TMEM9: variants seen among roughly 807,000 people sequenced by gnomAD.
TMEM9 encodes transmembrane protein 9.
In TMEM9, 13 loss-of-function variants were observed where a neutral mutation model predicts 22.8. The observed-to-expected ratio is 0.57, with a 90% CI of 0.37 to 0.91. The LOEUF is 0.91. TMEM9 is among the 40% of genes least tolerant of loss of function. TMEM9 has a pLI of 0.01. For synonymous variants in TMEM9, 88 were observed against 93.0 expected, an observed-to-expected ratio of 0.95 and a Z score of 0.31; for missense variants, 182 against 238.1, an observed-to-expected ratio of 0.76 and a Z score of 1.55.
chr1:201,153,801 G>A lies in TMEM9; in HGVS notation c.66+57C>T, dbSNP rs753835976. The A allele has an allele frequency of 3.6e-5, 58 of 1,609,412 alleles. No individual in the cohort carries two copies. The African/African-American group carries it at 5.9e-4, about 16-fold the overall frequency. On this transcript the variant is annotated intron_variant, in intron 1 of 4. Transcript: ENST00000367330. ...TGGCTACCTCTGAGTCAGCCCTGTAGACAGGGTGGCCGTGCACTGTGGTCG... is the reference window on the plus strand; with the variant it reads ...TGGCTACCTCTGAGTCAGCCCTGTAAACAGGGTGGCCGTGCACTGTGGTCG...
At chr1:201,140,235 C>T (rs975939207) in intron 4 of TMEM9, among the ~76,000 whole-genome samples, 12 of 152,248 alleles carry the variant, frequency 7.9e-5, no homozygotes, top group Non-Finnish European at 1.8e-4. Flanking sequence ...AGGGTGAGCA[C>T]TTTGAAGACC....
intron 1 of TMEM9, among the ~76,000 whole-genome samples, chr1:201,162,965 C>T (rs533172183): frequency 2.6e-5 from 4 of 152,200 alleles, no homozygotes; most frequent in Admixed American, 1.3e-4. Context: ...AAAGATTCAA[C>T]GTCACAGCCA....
intron 1 of TMEM9, among the ~76,000 whole-genome samples, chr1:201,168,299 T>A (rs1666126352): frequency 1.3e-5 from 2 of 152,232 alleles, no homozygotes; most frequent in South Asian, 4.1e-4. Flanking sequence ...GAAATAGGGT[T>A]CTCAGTGTTA....
upstream of TMEM9, chr1:201,154,624 A>T (rs914508012): frequency 6.6e-6 from 1 of 152,086 alleles, no homozygotes. Flanking sequence ...ACCCGACCAA[A>T]CCAGAAAAGG....
In TMEM9 at chr1:201,146,676, G is replaced by A. The variant is rs1572115916; in HGVS notation, c.267+64C>T. On this transcript the variant is annotated intron_variant, in intron 3 of 4. Transcript: ENST00000367330. ...ATAAAGTGAAAAACTGTGGGTGTAG[G>A]CCAGTCTGCGATTGGAGAATGGCGT... 5 of 1,482,538 alleles carry A rather than the reference G, an allele frequency of 3.4e-6. No homozygotes were observed. In the South Asian group the frequency reaches 5.7e-5, roughly 17 times the overall value. 91.8% of individuals were successfully genotyped at this position (1,482,538 alleles called of 1,614,324 possible).
Position 201,154,026 on chromosome 1 carries a change from T to C in TMEM9, c.-103A>G. ...ACACCGCAGCCAGCACGCTAGGCCC[T>C]TAACCATCCGGCCAAGTGGGAATGG... is the stretch of plus-strand genomic sequence containing the variant. On this transcript the variant is annotated 5_prime_UTR_variant, in exon 1 of 5. Transcript: ENST00000367330. The C allele has an allele frequency of 7.2e-7, 1 of 1,383,198 alleles. No individual in the cohort carries two copies. Among genetic ancestry groups the C allele is most frequent in the South Asian group, 1.4e-5 (1 of 69,948 alleles). The allele number at this position is 1,383,198 out of a possible 1,614,324, so 85.7% of individuals were successfully genotyped here.
At chr1:201,142,141 A>G (rs1054269114) in intron 4 of TMEM9, among the ~76,000 whole-genome samples, 6 of 152,196 alleles carry the variant, frequency 3.9e-5, no homozygotes, top group Admixed American at 6.5e-5. Flanking sequence ...CCTAGCTCCA[A>G]TGGGGCGAGG....
intron 1 of TMEM9, among the ~76,000 whole-genome samples, chr1:201,166,397 T>C (rs1441528303): frequency 6.6e-6 from 1 of 151,186 alleles, no homozygotes; most frequent in Non-Finnish European, 1.5e-5. Context: ...AGTCTCACTC[T>C]GTCACCCAGG....
Position 201,154,009 on chromosome 1 carries a change from G to A in TMEM9, c.-86C>T. On this transcript the variant is annotated 5_prime_UTR_variant, in exon 1 of 5. Coordinates refer to ENST00000367330, the MANE Select transcript of TMEM9 (RefSeq NM_001288565.2). ...AGAAGGGGAAGGTGGCCACACCGCA[G>A]CCAGCACGCTAGGCCCTTAACCATC... 2 of 1,490,550 alleles carry A rather than the reference G, an allele frequency of 1.3e-6. No individual in the cohort carries two copies. The highest frequency in any genetic ancestry group is 9.0e-7 in the Non-Finnish European group (1 of 1,105,980). 92.3% of individuals were successfully genotyped at this position (1,490,550 alleles called of 1,614,324 possible).
chr1:201,135,818 G>A lies in TMEM9; in HGVS notation c.400-3C>T. ...GCTGCTGCCATAGAGCGAGCATCCT[G>A]TAGTGGGAAGAAAAAAAGAGAAGAT... is the stretch of plus-strand genomic sequence containing the variant. On this transcript the variant is annotated splice_region_variant and splice_polypyrimidine_tract_variant and intron_variant, in intron 4 of 4. Coordinates refer to ENST00000367330, the MANE Select transcript of TMEM9 (RefSeq NM_001288565.2). 1.3e-6 allele frequency: 2 copies of A among 1,590,800 alleles called. No individual in the cohort carries two copies. Among genetic ancestry groups the A allele is most frequent in the South Asian group, 2.3e-5 (2 of 87,546 alleles).
intron 2 of TMEM9, among the ~76,000 whole-genome samples, chr1:201,151,105 A>C (rs1665394691): frequency 6.6e-6 from 1 of 152,074 alleles, no homozygotes; most frequent in East Asian, 1.9e-4. Context: ...ACCTCCCATA[A>C]CATGCCAGCT....
chr1:201,144,542 G>T (rs1429752544), intron 3 of TMEM9: 1 of 152,742 alleles, frequency 6.5e-6, no homozygotes, highest in Non-Finnish European at 1.5e-5. Flanking sequence ...GCAGGGAGGG[G>T]AAAGCCAAGG....
At chr1:201,163,805 G>GC (rs1666007322) in intron 1 of TMEM9, among the ~76,000 whole-genome samples, 1 of 152,076 alleles carries the variant, frequency 6.6e-6, no homozygotes, top group Non-Finnish European at 1.5e-5. Flanking sequence ...AGCCTCTTTG[G>GC]AAAACAGTTT....
chr1:201,154,139 G>C lies in TMEM9; in HGVS notation c.-216C>G. ...CTCCCGCCCAACTCTCCGGCTCTCC[G>C]CCAGCCACCTGGTGAGCCCGGCAGA... On this transcript the variant is annotated 5_prime_UTR_variant, in exon 1 of 5. Transcript: ENST00000367330. The C allele has an allele frequency of 1.7e-6, 1 of 571,624 alleles. No homozygotes were observed. Among genetic ancestry groups the C allele is most frequent in the Non-Finnish European group, 3.0e-6 (1 of 330,710 alleles). 35.4% of individuals were successfully genotyped at this position (571,624 alleles called of 1,614,324 possible). A position where few individuals can be genotyped will look rare whatever the true frequency, so the allele number is the denominator to read the frequency against.
rs1011782123 is a variant in TMEM9 at position 201,154,217 on chromosome 1, C to T, written c.-294G>A. The T allele has an allele frequency of 1.2e-5, 4 of 322,368 alleles. No individual in the cohort carries two copies. The highest frequency in any genetic ancestry group is 2.3e-5 in the Non-Finnish European group (4 of 173,210). The allele number at this position is 322,368 out of a possible 1,614,324, so 20.0% of individuals were successfully genotyped here. On this transcript the variant is annotated 5_prime_UTR_variant, in exon 1 of 5. Transcript: ENST00000367330. ...GGGGCCTCCAGTTCCTTCTCAAGGC[C>T]CGGCTCTGACCCGCGCATCACGTCC...
At chr1:201,170,540 T>G (rs998800423) in intron 1 of TMEM9, among the ~76,000 whole-genome samples, 2 of 152,232 alleles carry the variant, frequency 1.3e-5, no homozygotes, top group Admixed American at 1.3e-4. Context: ...GCTGAAATGC[T>G]GACAAGTCTG....
At chr1:201,157,196 A>G (rs936983734), upstream of TMEM9, among the ~76,000 whole-genome samples, 3 of 152,204 alleles carry the variant, frequency 2.0e-5, no homozygotes, top group Non-Finnish European at 4.4e-5. Context: ...TATACAGGGC[A>G]TCTCAAAAAA....
At chr1:201,150,143 G>T (rs567729495) in intron 2 of TMEM9, among the ~76,000 whole-genome samples, 1 of 152,342 alleles carries the variant, frequency 6.6e-6, no homozygotes, top group South Asian at 2.1e-4. Flanking sequence ...GTGTCTGCCT[G>T]CATAAGGAGT....
chr1:201,142,356 C>T (rs756307272), intron 4 of TMEM9, among the ~76,000 whole-genome samples: 2 of 152,202 alleles, frequency 1.3e-5, no homozygotes, highest in Non-Finnish European at 2.9e-5. Flanking sequence ...GACTTGAGCC[C>T]CTGGGTCCTC....
Sources: gnomAD v4.1 joint callset for allele counts (sites outside exome capture counted in the v4.1 genomes callset) on GRCh38, gnomAD v4.1.1 for gene constraint, MANE v1.5 for transcripts, NCBI Gene and HGNC (gene_info 2026-07-23, HGNC 2026-07-21) for gene names.